The following CDH10 variants were observed in gnomAD, a reference collection of about 807,000 sequenced individuals.
CDH10 encodes the protein cadherin 10.
In CDH10, 30 loss-of-function variants were observed where a neutral mutation model predicts 73.1. The ratio of observed to expected loss-of-function variants is 0.41; its 90% CI spans 0.31 to 0.56. The LOEUF (loss-of-function observed/expected upper bound fraction) is 0.56. Ranked by LOEUF, CDH10 falls within the 20% of genes least tolerant of loss-of-function variation. The probability of loss-of-function intolerance (pLI) is 0.27; values close to 1 mark genes in which losing one functional copy is unlikely to be tolerated. For missense variants in CDH10, 815 were observed against 973.7 expected (o/e 0.84, Z 2.17); for synonymous variants, 345 against 348.2 (o/e 0.99, Z 0.10).
intron 2 of CDH10, among the ~76,000 whole-genome samples, chr5:24,554,625 A>G (rs1020873406): frequency 2.0e-5 from 3 of 152,140 alleles, no homozygotes; most frequent in Non-Finnish European, 4.4e-5. Context: ...AAAATTTTAG[A>G]AACTCTGTCC....
intron 5 of CDH10, among the ~76,000 whole-genome samples, chr5:24,531,300 C>T (rs1000081298): frequency 3.3e-5 from 5 of 152,054 alleles, no homozygotes; most frequent in Non-Finnish European, 5.9e-5. Context: ...GTCACTGATG[C>T]TTTTACTTAT....
chr5:24,611,495 T>G (rs1178397672), intron 1 of CDH10, among the ~76,000 whole-genome samples: 2 of 152,208 alleles, frequency 1.3e-5, no homozygotes, highest in African/African-American at 2.4e-5. Context: ...AACAATAGAC[T>G]GTTCATAACT....
intron 1 of CDH10, among the ~76,000 whole-genome samples, chr5:24,634,476 C>A (rs1747806698): frequency 6.6e-6 from 1 of 151,000 alleles, no homozygotes. Context: ...ATGAATAAGC[C>A]ATGAGGTTAA....
At chr5:24,578,065 G>T (rs1175022498) in intron 2 of CDH10, among the ~76,000 whole-genome samples, 1 of 152,176 alleles carries the variant, frequency 6.6e-6, no homozygotes, top group East Asian at 1.9e-4. Flanking sequence ...CAGTGCTGGT[G>T]AGGAGAGGAC....
chr5:24,557,020 T>C (rs1561161202), intron 2 of CDH10, among the ~76,000 whole-genome samples: 1 of 151,868 alleles, frequency 6.6e-6, no homozygotes, highest in Non-Finnish European at 1.5e-5. Flanking sequence ...GAAGGTATTC[T>C]TTTCAACTTG....
At chr5:24,511,773 A>G (rs1742921763) in intron 5 of CDH10, among the ~76,000 whole-genome samples, 1 of 152,210 alleles carries the variant, frequency 6.6e-6, no homozygotes, top group Admixed American at 6.5e-5. Context: ...TAACAGTAGG[A>G]CAAATTCTGG....
intron 2 of CDH10, among the ~76,000 whole-genome samples, chr5:24,555,915 T>C (rs553160362): frequency 3.3e-5 from 5 of 152,058 alleles, no homozygotes; most frequent in East Asian, 1.9e-4. Context: ...ATCTTTACTA[T>C]ACCTCAAAGA....
intron 5 of CDH10, among the ~76,000 whole-genome samples, chr5:24,520,622 T>C (rs1306445348): frequency 3.9e-5 from 6 of 152,220 alleles, no homozygotes; most frequent in African/African-American, 1.4e-4. Context: ...CTTAAAATCT[T>C]TGTAATGTAA....
intron 9 of CDH10, among the ~76,000 whole-genome samples, chr5:24,495,575 G>A (rs1217162722): frequency 6.6e-6 from 1 of 152,042 alleles, no homozygotes; most frequent in Non-Finnish European, 1.5e-5. Flanking sequence ...TTGGCCAGGC[G>A]CCGTGGCTCA....
At position 24,618,190 on chromosome 5, in the gene CDH10, A is replaced by G. The variant is rs1199964950; in HGVS notation, c.-123-24577T>C. Among the ~76,000 whole-genome samples the G allele has an allele frequency of 2.0e-5, 3 of 152,202 alleles. No homozygotes were observed. The East Asian group carries it at 5.8e-4, about 29-fold the overall frequency. On this transcript the variant is annotated intron_variant, in intron 1 of 11. Transcript: ENST00000264463. ...ACCATTATTATTAGCATAATTATGG[A>G]TAAAACTGATGTAAAATCATTTAAC...
chr5:24,562,724 C>T (rs1052619560), intron 2 of CDH10, among the ~76,000 whole-genome samples: 3 of 152,056 alleles, frequency 2.0e-5, no homozygotes, highest in Non-Finnish European at 4.4e-5. Flanking sequence ...TCACTCCTTC[C>T]ACGTAACCTA....
Position 24,556,895 on chromosome 5 carries a change from A to G in CDH10, c.232-19221T>C, listed in dbSNP as rs11747376. On this transcript the variant is annotated intron_variant, in intron 2 of 11. Transcript: ENST00000264463. ...TCAATTGGTTTCTAGAGATGTACAC[A>G]AAAAGTATTTCTATATATATTCCCA... is the stretch of plus-strand genomic sequence containing the variant. Among the ~76,000 whole-genome samples the G allele has an allele frequency of 8.5e-3, 1,288 of 151,982 alleles. 10 individuals carry two copies. The highest frequency in any genetic ancestry group is 0.015 in the Non-Finnish European group (1,008 of 67,780).
intron 2 of CDH10, among the ~76,000 whole-genome samples, chr5:24,583,496 G>GAAAT (rs58984096): frequency 0.011 from 1,662 of 152,142 alleles, 33 homozygotes; most frequent in African/African-American, 0.038. Context: ...ATTTTTCTGT[G>GAAAT]AAATAGTCAA....
chr5:24,537,136 A>G (rs1212662106), intron 3 of CDH10, among the ~76,000 whole-genome samples: 1 of 151,824 alleles, frequency 6.6e-6, no homozygotes, highest in Non-Finnish European at 1.5e-5. Context: ...GTTCAATGAT[A>G]TTTTCTTGAT....
chr5:24,604,871 T>TCAAAA lies in CDH10; in HGVS notation c.-123-11259_-123-11258insTTTTG, dbSNP rs1453322652. Among the ~76,000 whole-genome samples, 40 of 116,250 alleles carry TCAAAA rather than the reference T, an allele frequency of 3.4e-4. 2 individuals carry two copies. Among genetic ancestry groups the TCAAAA allele is most frequent in the Middle Eastern group, 4.1e-3 (1 of 242 alleles). The allele number at this position is 116,250 out of a possible 152,430, so 76.3% of individuals were successfully genotyped here. ...CTGGGGAACAAGAGCAAGATGTCTC[T>TCAAAA]AAAAAAAAAAAAAAAAAAAAAAAAC... On this transcript the variant is annotated intron_variant, in intron 1 of 11. Transcript: ENST00000264463.
chr5:24,533,764 A>C, intron 5 of CDH10, among the ~76,000 whole-genome samples: 1 of 152,070 alleles, frequency 6.6e-6, no homozygotes, highest in East Asian at 1.9e-4. Context: ...CAGGATTATT[A>C]TTGGTTTTAT....
chr5:24,643,965 C>T (rs1437310854), intron 1 of CDH10, among the ~76,000 whole-genome samples: 2 of 152,140 alleles, frequency 1.3e-5, no homozygotes, highest in African/African-American at 2.4e-5. Context: ...CTTTACCTCT[C>T]TCCCCCCAAT....
chr5:24,497,845 G>GA (rs1219607983), intron 9 of CDH10, among the ~76,000 whole-genome samples: 1 of 152,094 alleles, frequency 6.6e-6, no homozygotes, highest in East Asian at 1.9e-4. Context: ...AGCTGATGCA[G>GA]AAAAAATGTT....
At chr5:24,521,963 G>A (rs1435949654) in intron 5 of CDH10, among the ~76,000 whole-genome samples, 1 of 151,944 alleles carries the variant, frequency 6.6e-6, no homozygotes, top group African/African-American at 2.4e-5. Context: ...GTGAAACCCT[G>A]TCTCTACTAA....
Sources: gnomAD v4.1 joint callset for allele counts (sites outside exome capture counted in the v4.1 genomes callset) on GRCh38, gnomAD v4.1.1 for gene constraint, MANE v1.5 for transcripts, NCBI Gene and HGNC (gene_info 2026-07-23, HGNC 2026-07-21) for gene names.